Variants in PRRC2C observed in about 807,000 individuals in gnomAD.
PRRC2C encodes the protein protein PRRC2C.
Under a neutral mutation model 317.2 loss-of-function variants are expected in PRRC2C, and 72 were observed. The ratio of observed to expected loss-of-function variants is 0.23; its 90% CI spans 0.19 to 0.28. PRRC2C has a LOEUF of 0.28. PRRC2C is among the 10% of genes least tolerant of loss of function. PRRC2C has a pLI of 1.00. For missense variants in PRRC2C, 3,074 were observed against 3,459.7 expected (o/e 0.89, Z 2.80); for synonymous variants, 1,296 against 1,205.9 (o/e 1.07, Z -1.55).
At chr1:171,538,229 C>A (rs190421221) in intron 15 of PRRC2C, among the ~76,000 whole-genome samples, 4 of 152,148 alleles carry the variant, frequency 2.6e-5, no homozygotes, top group African/African-American at 9.7e-5. Context: ...GACTGCCTTA[C>A]CTCCCAAAGT....
rs776122568 is a variant in PRRC2C at position 171,574,964 on chromosome 1, A to T, written c.6791A>T (p.Asn2264Ile). Residue 2264 changes from asparagine (N) to isoleucine (I), a missense_variant, in exon 25 of 35, where the codon AAT (asparagine) becomes ATT (isoleucine). Asn to Ile is a moderately radical substitution (Grantham distance 149, BLOSUM62 -3). Transcript: ENST00000647382. ...CGCAAAGCATGGGAGAATTCTCCAA[A>T]TGTAAGGGAAAAGGGGTCTCCAGTA... ...SARKAWENSPNVREKGSPVTS... is the reference protein window; with the variant it reads ...SARKAWENSPIVREKGSPVTS... 6.2e-7 allele frequency: 1 copy of T among 1,613,914 alleles called. No homozygotes were observed. Among genetic ancestry groups the T allele is most frequent in the South Asian group, 1.1e-5 (1 of 91,062 alleles).
intron 25 of PRRC2C, among the ~76,000 whole-genome samples, chr1:171,576,704 T>C (rs1317518078): frequency 6.6e-6 from 1 of 152,182 alleles, no homozygotes; most frequent in Admixed American, 6.5e-5. Context: ...TTTTTTTTGT[T>C]TTTTAAGAGT....
intron 16 of PRRC2C, among the ~76,000 whole-genome samples, chr1:171,543,007 G>A (rs1678262293): frequency 1.4e-5 from 2 of 148,018 alleles, no homozygotes; most frequent in Non-Finnish European, 3.0e-5. Flanking sequence ...TGATCCACCC[G>A]CCTCGGCCTC....
intron 11 of PRRC2C, among the ~76,000 whole-genome samples, chr1:171,531,949 T>C (rs1379154430): frequency 6.6e-6 from 1 of 152,232 alleles, no homozygotes; most frequent in Non-Finnish European, 1.5e-5. Flanking sequence ...TTTTGGATAT[T>C]TAATACCTTC....
At chr1:171,535,312 T>G in intron 12 of PRRC2C, 116 bp from the exon 13 acceptor site, 2 of 809,342 alleles carry the variant, frequency 2.5e-6, no homozygotes, top group Non-Finnish European at 3.7e-6. Context: ...TGTTTTAGAG[T>G]GTCGAGGATA....
Position 171,541,314 on chromosome 1 carries a change from T to C in PRRC2C, c.3848T>C (p.Leu1283Ser). 6.2e-7 allele frequency: 1 copy of C among 1,613,880 alleles called. No individual in the cohort carries two copies. ...GAAAGTGCAAGTGACAAGGACAGTT[T>C]AAGTAAAGGCAAACTTCCCAAAAGA... ...IHESASDKDS[L>S]SKGKLPKREE... Residue 1283 changes from leucine (L) to serine (S), a missense_variant, in exon 16 of 35, where the codon TTA becomes TCA. By Grantham distance (145) the Leu-to-Ser change is moderately radical (BLOSUM62 -2). Around this residue, in one of 11 missense-constraint regions of PRRC2C, gnomAD observed 1,320 missense variants for 1,395.7 expected, o/e 0.95. Transcript: ENST00000647382. The surrounding 1 kb of genome is among the most constrained non-coding windows in gnomAD (Gnocchi z 4.1).
At chr1:171,569,220 CT>C (rs1378741020) in intron 23 of PRRC2C, among the ~76,000 whole-genome samples, 4 of 151,738 alleles carry the variant, frequency 2.6e-5, no homozygotes. Flanking sequence ...GTTGATCATC[CT>C]TTTTTTAAAA....
intron 28 of PRRC2C, 73 bp downstream of exon 28, chr1:171,580,037 C>A: frequency 7.8e-7 from 1 of 1,290,188 alleles, no homozygotes; most frequent in East Asian, 2.9e-5. Context: ...TGCCGTAATC[C>A]ATACTGTTCC....
intron 23 of PRRC2C, 84 bp downstream of exon 23, chr1:171,568,423 T>C (rs1288970934): frequency 2.0e-6 from 3 of 1,486,822 alleles, no homozygotes; most frequent in Non-Finnish European, 2.7e-6. Context: ...TTTTATTTAC[T>C]GTAGTGATCA....
intron 1 of PRRC2C, among the ~76,000 whole-genome samples, chr1:171,496,643 CTG>C (rs1002031489): frequency 3.3e-5 from 5 of 152,178 alleles, no homozygotes; most frequent in African/African-American, 9.7e-5. Flanking sequence ...CACATGCACT[CTG>C]TGCTTGGTTT....
intron 34 of PRRC2C, chr1:171,591,071 C>A: frequency 1.6e-6 from 1 of 623,524 alleles, no homozygotes; most frequent in African/African-American, 2.0e-5. Flanking sequence ...TATTTACCAG[C>A]TCAGAATGTG....
intron 11 of PRRC2C, among the ~76,000 whole-genome samples, chr1:171,528,173 A>T (rs1226783870): frequency 6.6e-6 from 1 of 151,442 alleles, no homozygotes; most frequent in African/African-American, 2.4e-5. Flanking sequence ...TGATAATGTT[A>T]TCTCATATTT....
At chr1:171,545,446 G>A (rs375735665) in intron 16 of PRRC2C, 33 bp from the exon 17 acceptor site, 2 of 1,531,416 alleles carry the variant, frequency 1.3e-6, no homozygotes, top group Non-Finnish European at 1.8e-6. Context: ...TGGGTAGGTG[G>A]AAATAGTAAT....
At position 171,557,537 on chromosome 1, in the gene PRRC2C, G is replaced by A. The variant is rs1023672430; in HGVS notation, c.5425G>A (p.Ala1809Thr). The A allele has an allele frequency of 1.9e-6, 3 of 1,551,476 alleles. No homozygotes were observed. Among genetic ancestry groups the A allele is most frequent in the Non-Finnish European group, 2.6e-6 (3 of 1,146,938 alleles). The change falls in exon 19 of 35, where the codon GCT becomes ACT. Residue 1809 changes from alanine (A) to threonine (T), a missense_variant. By Grantham distance (58) the Ala-to-Thr change is moderately conservative. This residue lies in a region of PRRC2C where 640 missense variants were observed against 676.1 expected (regional missense o/e 0.95). Transcript: ENST00000647382. The part of the protein sequence containing the change: ...TSAPVPASPL[A>T]PVSASASVSA... ...AGCTCCAGTTCCAGCCTCACCCTTAGCTCCAGTTTCAGCCTCAGCCTCAGT... is the reference window on the plus strand; with the variant it reads ...AGCTCCAGTTCCAGCCTCACCCTTAACTCCAGTTTCAGCCTCAGCCTCAGT...
rs1426329569 is a variant in PRRC2C, at chr1:171,561,474, G to A, written c.6117+371G>A. ...CCTGGAAAGCAAAACAATGCTTATA[G>A]CATGCCTCAGAATTAACTTGGAGGG... On this transcript the variant is annotated intron_variant, in intron 20 of 34. Transcript: ENST00000647382. 2.6e-5 allele frequency among the ~76,000 whole-genome samples: 4 copies of A among 152,132 alleles called. No homozygotes were observed. The East Asian group carries it at 5.8e-4, about 22-fold the overall frequency.
At chr1:171,513,855 A>T (rs922307348) in intron 3 of PRRC2C, among the ~76,000 whole-genome samples, 1 of 152,338 alleles carries the variant, frequency 6.6e-6, no homozygotes, top group Non-Finnish European at 1.5e-5. Flanking sequence ...GTAGTAATGT[A>T]TCAAATACGT....
chr1:171,499,160 C>G (rs1668637519), intron 1 of PRRC2C, among the ~76,000 whole-genome samples: 1 of 152,180 alleles, frequency 6.6e-6, no homozygotes, highest in Non-Finnish European at 1.5e-5. Context: ...CTTTCACATT[C>G]TCCCATTTGC....
intron 34 of PRRC2C, among the ~76,000 whole-genome samples, chr1:171,590,719 G>T (rs1651229146): frequency 6.6e-6 from 1 of 152,138 alleles, no homozygotes; most frequent in South Asian, 2.1e-4. Flanking sequence ...ATTTCCATCT[G>T]TTTGTTATAA....
intron 1 of PRRC2C, among the ~76,000 whole-genome samples, chr1:171,507,945 C>G (rs951243305): frequency 6.6e-6 from 1 of 152,074 alleles, no homozygotes; most frequent in Non-Finnish European, 1.5e-5. Flanking sequence ...TCCTTTTCAT[C>G]TAGGTTGTTA....
Sources: gnomAD v4.1 joint callset for allele counts (sites outside exome capture counted in the v4.1 genomes callset) on GRCh38, gnomAD v4.1.1 for gene constraint, gnomAD v4.1.1 regional missense constraint, Gnocchi (gnomAD v3.1) non-coding constraint, MANE v1.5 for transcripts, NCBI Gene and HGNC (gene_info 2026-07-23, HGNC 2026-07-21) for gene names.